Variants in PHACTR3 observed in about 807,000 individuals in gnomAD.
The protein encoded by PHACTR3 is protein phosphatase 1, regulatory subunit 123.
PHACTR3 carries 16 observed loss-of-function variants against 66.8 expected under a neutral mutation model. The ratio of observed to expected loss-of-function variants is 0.24; its 90% CI spans 0.16 to 0.36. The LOEUF (loss-of-function observed/expected upper bound fraction) is 0.36. Among genes scored for constraint, PHACTR3 ranks in the 10% least tolerant of loss-of-function variants. The pLI is 1.00. For synonymous variants in PHACTR3, 323 were observed against 292.1 expected (o/e 1.11, Z -1.08); for missense variants, 647 against 719.9 (o/e 0.90, Z 1.16).
At chr20:59,836,232 C>T (rs946264414) in intron 8 of PHACTR3, 14 of 416,664 alleles carry the variant, frequency 3.4e-5, no homozygotes, top group South Asian at 7.1e-5. Flanking sequence ...AAGGTTTGGG[C>T]GACAGATCAG....
intron 4 of PHACTR3, among the ~76,000 whole-genome samples, chr20:59,766,254 G>C (rs149593856): frequency 4.6e-5 from 7 of 152,296 alleles, no homozygotes; most frequent in African/African-American, 1.7e-4. Flanking sequence ...TCCTGGCCAC[G>C]GGTCCTGCAG....
intron 1 of PHACTR3, chr20:59,628,818 T>C (rs1417944114): frequency 4.1e-6 from 4 of 985,052 alleles, no homozygotes; most frequent in South Asian, 9.4e-5. Flanking sequence ...GCCACGGAGG[T>C]TAGATCTTGT....
intron 8 of PHACTR3, 88 bp from the exon 9 acceptor site, chr20:59,836,417 G>T: frequency 7.6e-7 from 1 of 1,318,986 alleles, no homozygotes; most frequent in Non-Finnish European, 1.0e-6. Flanking sequence ...ATAGGGGTTT[G>T]CCAGCCACCT....
chr20:59,753,451 G>C (rs1786167842), intron 3 of PHACTR3, among the ~76,000 whole-genome samples: 1 of 152,186 alleles, frequency 6.6e-6, no homozygotes, highest in Non-Finnish European at 1.5e-5. Flanking sequence ...CATGAGTCCT[G>C]GGTGTGGTGA....
At chr20:59,696,521 G>A (rs563981750) in intron 1 of PHACTR3, among the ~76,000 whole-genome samples, 5 of 152,200 alleles carry the variant, frequency 3.3e-5, no homozygotes, top group South Asian at 2.1e-4. Context: ...GCTGTGCTTC[G>A]GGACATGGGG....
chr20:59,657,233 T>C (rs1051017068), intron 1 of PHACTR3, among the ~76,000 whole-genome samples: 5 of 150,468 alleles, frequency 3.3e-5, no homozygotes, highest in Admixed American at 2.0e-4. Context: ...TTCTGTATGT[T>C]ATAGGCACAA....
At chr20:59,645,385 A>G (rs2146435571) in intron 1 of PHACTR3, among the ~76,000 whole-genome samples, 1 of 152,102 alleles carries the variant, frequency 6.6e-6, no homozygotes, top group East Asian at 1.9e-4. Flanking sequence ...TGGAGGGAGG[A>G]AGGAAGGAGG....
chr20:59,819,077 G>A (rs1472340803), intron 8 of PHACTR3, among the ~76,000 whole-genome samples: 1 of 152,172 alleles, frequency 6.6e-6, no homozygotes, highest in African/African-American at 2.4e-5. Flanking sequence ...AGCCTCTGCT[G>A]AGTCTGATCG....
chr20:59,742,799 C>G (rs1425141232), intron 1 of PHACTR3, among the ~76,000 whole-genome samples: 1 of 152,192 alleles, frequency 6.6e-6, no homozygotes, highest in African/African-American at 2.4e-5. Context: ...GAGCAAGGGT[C>G]CTGGGCAGGC....
intron 1 of PHACTR3, among the ~76,000 whole-genome samples, chr20:59,607,905 A>G (rs1464608434): frequency 6.6e-6 from 1 of 152,172 alleles, no homozygotes; most frequent in East Asian, 1.9e-4. Context: ...ACACAGCTGT[A>G]ATTACCTGGG....
At chr20:59,686,590 ATGGTGATGATGATGG>A (rs1159527622) in intron 1 of PHACTR3, among the ~76,000 whole-genome samples, 2 of 150,510 alleles carry the variant, frequency 1.3e-5, no homozygotes, top group East Asian at 2.0e-4. Flanking sequence ...TGTGATGATG[ATGGTGATGATGATGG>A]TGGTGATGAT....
intron 4 of PHACTR3, among the ~76,000 whole-genome samples, 189 bp downstream of exon 4, chr20:59,755,553 T>C (rs2039756604): frequency 6.6e-6 from 1 of 152,224 alleles, no homozygotes; most frequent in Admixed American, 6.5e-5. Flanking sequence ...GGCACTTTTC[T>C]CTACTGTCTC....
At chr20:59,801,650 A>G (rs2041416276) in intron 7 of PHACTR3, among the ~76,000 whole-genome samples, 1 of 152,192 alleles carries the variant, frequency 6.6e-6, no homozygotes, top group African/African-American at 2.4e-5. Flanking sequence ...CTTGCACCAG[A>G]TCACTCCGCA....
upstream of PHACTR3, among the ~76,000 whole-genome samples, chr20:59,600,744 G>C: frequency 6.6e-6 from 1 of 152,162 alleles, no homozygotes; most frequent in East Asian, 1.9e-4. Flanking sequence ...TTGGGTTATC[G>C]GGGCTGCCCT....
At chr20:59,773,201 A>C in intron 5 of PHACTR3, 78 bp from the exon 6 acceptor site, 1 of 1,497,890 alleles carries the variant, frequency 6.7e-7, no homozygotes, top group Non-Finnish European at 9.0e-7. Context: ...CTTTCCGCTC[A>C]TGGTCCCCAG....
chr20:59,723,060 C>CTCTTCTTTCTTTCTT (rs1466366874), intron 1 of PHACTR3, among the ~76,000 whole-genome samples: 28 of 118,768 alleles, frequency 2.4e-4, no homozygotes, highest in African/African-American at 9.2e-4. Flanking sequence ...TTCTTTCTTT[C>CTCTTCTTTCTTTCTT]TCTTTCTTTC....
chr20:59,766,306 C>T (rs1469293974), intron 4 of PHACTR3, among the ~76,000 whole-genome samples: 1 of 152,174 alleles, frequency 6.6e-6, no homozygotes, highest in Non-Finnish European at 1.5e-5. Context: ...GGCTCTTCCT[C>T]CTGCAATAGT....
intron 1 of PHACTR3, among the ~76,000 whole-genome samples, chr20:59,591,557 A>C (rs2033182515): frequency 6.6e-6 from 1 of 152,110 alleles, no homozygotes; most frequent in Non-Finnish European, 1.5e-5. Context: ...CCAGCTCCTC[A>C]TCATGGGGGC....
At chr20:59,690,171 A>G (rs1378450942) in intron 1 of PHACTR3, among the ~76,000 whole-genome samples, 1 of 152,166 alleles carries the variant, frequency 6.6e-6, no homozygotes, top group African/African-American at 2.4e-5. Flanking sequence ...TGATGGCATG[A>G]TTCTTTGAGT....
Sources: allele counts gnomAD v4.1 joint callset (sites outside exome capture counted in the v4.1 genomes callset), GRCh38; gene constraint gnomAD v4.1.1; transcripts MANE v1.5; gene names NCBI Gene and HGNC (gene_info 2026-07-23, HGNC 2026-07-21).